DUSP13A: variants seen among roughly 807,000 people sequenced by gnomAD.
DUSP13A encodes the protein dual specificity phosphatase 13A, also known as dual specificity protein phosphatase 13A.
At chr10:75,105,994 C>A in the DUSP13A span, 1 of 849,896 alleles carries the variant, frequency 1.2e-6, no homozygotes, top group Admixed American at 2.3e-5. Flanking sequence ...GCAAGTCACT[C>A]AGCCTTTATG....
chr10:75,107,154 G>T, the DUSP13A span, among the ~76,000 whole-genome samples: 2 of 152,196 alleles, frequency 1.3e-5, no homozygotes, highest in African/African-American at 4.8e-5. Flanking sequence ...TCGCCAACAT[G>T]GTGAAACCCT....
the DUSP13A span, chr10:75,109,089 C>G: frequency 3.7e-6 from 6 of 1,612,392 alleles, no homozygotes; most frequent in South Asian, 6.6e-5. Flanking sequence ...GCTCCTCCAG[C>G]TCCAGGATGC....
the DUSP13A span, among the ~76,000 whole-genome samples, chr10:75,106,101 C>CTTTTTTTTT: frequency 2.0e-4 from 25 of 122,988 alleles, no homozygotes; most frequent in Non-Finnish European, 3.8e-4. Flanking sequence ...TCTTTCTTTT[C>CTTTTTTTTT]TTTTTTTTTT....
chr10:75,107,636 G>A, the DUSP13A span, among the ~76,000 whole-genome samples: 1 of 152,106 alleles, frequency 6.6e-6, no homozygotes, highest in Non-Finnish European at 1.5e-5. Context: ...GAGTGAAGTG[G>A]CATGATCTCG....
the DUSP13A span, among the ~76,000 whole-genome samples, chr10:75,106,795 T>A: frequency 6.6e-6 from 1 of 152,224 alleles, no homozygotes; most frequent in African/African-American, 2.4e-5. Flanking sequence ...AGCTGGTGAA[T>A]GAATGGATAA....
chr10:75,108,065 G>T, the DUSP13A span: 1 of 1,613,924 alleles, frequency 6.2e-7, no homozygotes, highest in South Asian at 1.1e-5. Flanking sequence ...CAAAATCAGG[G>T]AGGTCGTGGG....
At chr10:75,107,447 C>G in the DUSP13A span, among the ~76,000 whole-genome samples, 1 of 152,172 alleles carries the variant, frequency 6.6e-6, no homozygotes, top group African/African-American at 2.4e-5. Flanking sequence ...AGCTGTTCTG[C>G]TGTTTGGGAG....
At chr10:75,107,205 G>C in the DUSP13A span, among the ~76,000 whole-genome samples, 1 of 152,072 alleles carries the variant, frequency 6.6e-6, no homozygotes, top group Non-Finnish European at 1.5e-5. Context: ...TATGGTGGCG[G>C]ATGCCTGTAG....
chr10:75,106,959 T>C, the DUSP13A span, among the ~76,000 whole-genome samples: 2 of 152,352 alleles, frequency 1.3e-5, no homozygotes, highest in South Asian at 4.1e-4. Flanking sequence ...TCTTCTAGGA[T>C]GGACACAAAG....
At chr10:75,106,101 C>CTTTTTTTTTT in the DUSP13A span, among the ~76,000 whole-genome samples, 2 of 123,018 alleles carry the variant, frequency 1.6e-5, no homozygotes, top group Admixed American at 7.9e-5. Context: ...TCTTTCTTTT[C>CTTTTTTTTTT]TTTTTTTTTT....
At chr10:75,105,822 C>A in the DUSP13A span, 125 of 1,550,666 alleles carry the variant, frequency 8.1e-5, no homozygotes, top group South Asian at 6.4e-4. Flanking sequence ...CCAGGACCAG[C>A]GTGGCAGAGC....
At chr10:75,108,112 A>G in the DUSP13A span, 1 of 1,613,800 alleles carries the variant, frequency 6.2e-7, no homozygotes, top group Non-Finnish European at 8.5e-7. Context: ...CTGCCGTAGA[A>G]GTCAGGGCCG....
chr10:75,105,982 G>A, the DUSP13A span: 2 of 964,852 alleles, frequency 2.1e-6, no homozygotes, highest in Non-Finnish European at 3.1e-6. Flanking sequence ...CTGTGATCCT[G>A]AGCAAGTCAC....
the DUSP13A span, chr10:75,108,143 G>A: frequency 2.5e-6 from 4 of 1,613,232 alleles, no homozygotes; most frequent in Non-Finnish European, 3.4e-6. Context: ...AGAGGCCCTT[G>A]TGGGCGGCGT....
chr10:75,109,116 T>C, the DUSP13A span: 1 of 1,610,954 alleles, frequency 6.2e-7, no homozygotes, highest in South Asian at 1.1e-5. Context: ...AAGGCGTGGC[T>C]TTGTCCTCTC....
At chr10:75,106,219 G>A in the DUSP13A span, among the ~76,000 whole-genome samples, 1 of 151,138 alleles carries the variant, frequency 6.6e-6, no homozygotes, top group African/African-American at 2.4e-5. Context: ...TGGGATTACA[G>A]GCGTGAGACA....
the DUSP13A span, among the ~76,000 whole-genome samples, chr10:75,106,113 T>G: frequency 6.6e-6 from 1 of 150,574 alleles, no homozygotes; most frequent in Non-Finnish European, 1.5e-5. Context: ...TTTTTTTTTT[T>G]TTTTTTTTAG....
chr10:75,108,949 C>T, the DUSP13A span: 40 of 1,536,250 alleles, frequency 2.6e-5, no homozygotes, highest in Non-Finnish European at 3.2e-5. Context: ...TCTGGTAAAG[C>T]GACCAAGAAC....
chr10:75,108,127 G>C, the DUSP13A span: 1 of 1,613,700 alleles, frequency 6.2e-7, no homozygotes, highest in South Asian at 1.1e-5. Flanking sequence ...GGGCCGCCCT[G>C]ACAGTAGAGG....
Sources: gnomAD v4.1 joint callset for allele counts (sites outside exome capture counted in the v4.1 genomes callset) on GRCh38, gnomAD v4.1.1 for gene constraint, MANE v1.5 for transcripts, NCBI Gene and HGNC (gene_info 2026-07-23, HGNC 2026-07-21) for gene names.